The following LINGO2 variants were observed in gnomAD, a reference collection of about 807,000 sequenced individuals.
The protein encoded by LINGO2 is leucine rich repeat and Ig domain containing 2.
A neutral mutation model predicts 30.6 loss-of-function variants in LINGO2; 14 were observed. The observed-to-expected ratio is 0.46, with a 90% confidence interval of 0.30 to 0.72. The LOEUF is 0.72. Among genes scored for constraint, LINGO2 ranks in the 30% least tolerant of loss-of-function variants. LINGO2 has a pLI of 0.07. For missense variants in LINGO2, 729 were observed against 751.7 expected (o/e 0.97, Z 0.35); for synonymous variants, 317 against 288.5 (o/e 1.10, Z -1.00).
At chr9:28,718,096 T>C in the LINGO2 span, among the ~76,000 whole-genome samples, 1 of 151,702 alleles carries the variant, frequency 6.6e-6, no homozygotes, top group South Asian at 2.1e-4. Context: ...ATTTAAAAGA[T>C]TAATTTCAAC....
intron 2 of LINGO2, among the ~76,000 whole-genome samples, chr9:28,466,380 A>G (rs772218868): frequency 6.6e-6 from 1 of 152,186 alleles, no homozygotes; most frequent in Non-Finnish European, 1.5e-5. Context: ...GGACAAACTG[A>G]TCATGTTCTC....
chr9:29,146,454 C>A, the LINGO2 span, among the ~76,000 whole-genome samples: 1 of 151,976 alleles, frequency 6.6e-6, no homozygotes, highest in African/African-American at 2.4e-5. Flanking sequence ...TGCTTTTGCC[C>A]ACAATTACTT....
chr9:28,575,024 C>T (rs1252308366), intron 1 of LINGO2, among the ~76,000 whole-genome samples: 1 of 152,196 alleles, frequency 6.6e-6, no homozygotes, highest in Non-Finnish European at 1.5e-5. Context: ...TACTATGCAG[C>T]TTTTAAAAGA....
the LINGO2 span, among the ~76,000 whole-genome samples, chr9:28,915,684 TTA>T: frequency 4.6e-5 from 7 of 152,154 alleles, no homozygotes; most frequent in Non-Finnish European, 8.8e-5. Flanking sequence ...AGGAGATACT[TTA>T]TCAGTGAATC....
chr9:28,859,608 G>C, the LINGO2 span, among the ~76,000 whole-genome samples: 1 of 151,778 alleles, frequency 6.6e-6, no homozygotes, highest in Non-Finnish European at 1.5e-5. Context: ...TGCTTTACTT[G>C]TTTGGAATTT....
chr9:29,038,031 T>A, the LINGO2 span, among the ~76,000 whole-genome samples: 2 of 152,056 alleles, frequency 1.3e-5, no homozygotes, highest in Non-Finnish European at 2.9e-5. Context: ...GTATTTATGT[T>A]GATGATATTT....
At chr9:28,984,345 G>A in the LINGO2 span, among the ~76,000 whole-genome samples, 1 of 151,992 alleles carries the variant, frequency 6.6e-6, no homozygotes, top group Non-Finnish European at 1.5e-5. Context: ...TATTCAAAAT[G>A]CTAAAAGTTC....
the LINGO2 span, among the ~76,000 whole-genome samples, chr9:28,858,011 C>A: frequency 6.6e-6 from 1 of 151,804 alleles, no homozygotes; most frequent in African/African-American, 2.4e-5. Context: ...TCTCTGGATT[C>A]TTAGCATTGG....
chr9:28,453,617 C>T (rs779155975), intron 2 of LINGO2, among the ~76,000 whole-genome samples: 1 of 151,876 alleles, frequency 6.6e-6, no homozygotes, highest in African/African-American at 2.4e-5. Context: ...GGAATCTCTA[C>T]AAGTTTTTCA....
the LINGO2 span, among the ~76,000 whole-genome samples, chr9:28,684,766 A>G: frequency 6.8e-6 from 1 of 147,436 alleles, no homozygotes. Flanking sequence ...TGATCTGTCC[A>G]CCTCAGCCTC....
intron 1 of LINGO2, among the ~76,000 whole-genome samples, chr9:28,510,541 G>T (rs1470820307): frequency 6.6e-6 from 1 of 152,020 alleles, no homozygotes; most frequent in Admixed American, 6.6e-5. Flanking sequence ...GCTGTGTCAG[G>T]GGTGGCAGAG....
chr9:28,312,356 G>T (rs368726650), intron 3 of LINGO2, among the ~76,000 whole-genome samples: 4 of 152,020 alleles, frequency 2.6e-5, no homozygotes, highest in African/African-American at 9.6e-5. Context: ...GAGAGGGAGA[G>T]AAGAGGGGGT....
chr9:28,916,790 A>G, the LINGO2 span, among the ~76,000 whole-genome samples: 7 of 68,806 alleles, frequency 1.0e-4, no homozygotes, highest in African/African-American at 1.8e-4. Flanking sequence ...AAATTAATTG[A>G]GACTTGTTTT....
intron 4 of LINGO2, among the ~76,000 whole-genome samples, chr9:28,056,154 G>A (rs1052402976): frequency 3.3e-5 from 5 of 152,168 alleles, no homozygotes; most frequent in Admixed American, 3.3e-4. Flanking sequence ...GCAAGAGCAG[G>A]GCGGAGCAGG....
chr9:28,685,977 ATGTGTGTGTG>A, the LINGO2 span, among the ~76,000 whole-genome samples: 1 of 145,584 alleles, frequency 6.9e-6, no homozygotes, highest in Non-Finnish European at 1.5e-5. Flanking sequence ...AACATATATG[ATGTGTGTGTG>A]TGTGTGTGTG....
intron 1 of LINGO2, among the ~76,000 whole-genome samples, chr9:28,655,152 T>C (rs545037567): frequency 6.6e-6 from 1 of 151,962 alleles, no homozygotes; most frequent in African/African-American, 2.4e-5. Flanking sequence ...TTCAGAAGAG[T>C]TGATCGTTTT....
the LINGO2 span, among the ~76,000 whole-genome samples, chr9:29,057,661 T>C: frequency 1.1e-4 from 17 of 151,976 alleles, no homozygotes; most frequent in Non-Finnish European, 1.5e-5. Context: ...GAGAAGCAGC[T>C]CAAAAAAACT....
At chr9:28,860,988 T>C in the LINGO2 span, among the ~76,000 whole-genome samples, 5 of 106,832 alleles carry the variant, frequency 4.7e-5, no homozygotes, top group Non-Finnish European at 7.4e-5. Context: ...AAATCTATAA[T>C]ATATTATATT....
intron 1 of LINGO2, among the ~76,000 whole-genome samples, chr9:28,580,678 A>G (rs1824217250): frequency 6.6e-6 from 1 of 152,186 alleles, no homozygotes; most frequent in East Asian, 1.9e-4. Flanking sequence ...AGCATGGTTA[A>G]GGGCACCAGC....
Sources: allele counts gnomAD v4.1 joint callset (sites outside exome capture counted in the v4.1 genomes callset), GRCh38; gene constraint gnomAD v4.1.1; transcripts MANE v1.5; gene names NCBI Gene and HGNC (gene_info 2026-07-23, HGNC 2026-07-21).